IFT74: variants seen among roughly 807,000 people sequenced by gnomAD.
The protein encoded by IFT74 is intraflagellar transport protein 74 homolog.
In IFT74, 92 loss-of-function variants were observed where a neutral mutation model predicts 96.7. That is an observed-to-expected ratio of 0.95 (90% CI 0.80 to 1.13). The LOEUF (loss-of-function observed/expected upper bound fraction) is 1.13. Among genes scored for constraint, IFT74 ranks in the 50% most tolerant of loss-of-function variants. IFT74 has a pLI of 0.00. For missense variants in IFT74, 811 were observed against 698.2 expected (o/e 1.16, Z -1.82); for synonymous variants, 223 against 213.2 (o/e 1.05, Z -0.40).
At chr9:26,981,570 A>G (rs1304608249) in intron 4 of IFT74, among the ~76,000 whole-genome samples, 6 of 151,874 alleles carry the variant, frequency 4.0e-5, no homozygotes, top group Admixed American at 3.9e-4. Context: ...GTTTGCCACC[A>G]CACCCACCTA....
At chr9:26,993,624 T>C (rs544843452) in intron 8 of IFT74, 1 of 152,514 alleles carries the variant, frequency 6.6e-6, no homozygotes, top group Non-Finnish European at 1.5e-5. Context: ...GCCTCTTTTT[T>C]CTAAGGAATT....
At chr9:27,002,194 C>G (rs1828535915) in intron 8 of IFT74, among the ~76,000 whole-genome samples, 1 of 152,102 alleles carries the variant, frequency 6.6e-6, no homozygotes, top group African/African-American at 2.4e-5. Context: ...TGCAGTGATG[C>G]CATTTTGGCT....
intron 15 of IFT74, 57 bp from the exon 16 acceptor site, chr9:27,048,091 T>C (rs1171964295): frequency 7.8e-6 from 10 of 1,289,596 alleles, no homozygotes; most frequent in African/African-American, 6.0e-5. Context: ...AAGAGTTTTA[T>C]TGAGAACTAA....
intron 12 of IFT74, among the ~76,000 whole-genome samples, chr9:27,026,460 C>A (rs985048614): frequency 6.6e-6 from 1 of 151,996 alleles, no homozygotes; most frequent in African/African-American, 2.4e-5. Flanking sequence ...TAAATTATAC[C>A]CTAGAACAAA....
intron 8 of IFT74, 100 bp from the exon 9 acceptor site, chr9:27,008,920 C>A: frequency 1.1e-6 from 1 of 907,728 alleles, no homozygotes; most frequent in Non-Finnish European, 1.6e-6. Context: ...GGTTGAATGT[C>A]TTTAAGTATC....
At chr9:27,049,388 C>T (rs1011695535) in intron 16 of IFT74, among the ~76,000 whole-genome samples, 1 of 152,120 alleles carries the variant, frequency 6.6e-6, no homozygotes, top group Middle Eastern at 3.2e-3. Flanking sequence ...ATTCTTTCGG[C>T]GGCCTTGAGC....
chr9:26,994,238 T>A (rs1828024078), intron 8 of IFT74: 1 of 152,120 alleles, frequency 6.6e-6, no homozygotes, highest in Non-Finnish European at 1.5e-5. Flanking sequence ...TTTACATAAA[T>A]CCTATTGTAA....
chr9:26,970,404 T>C (rs1826832575), intron 2 of IFT74, among the ~76,000 whole-genome samples: 1 of 152,188 alleles, frequency 6.6e-6, no homozygotes, highest in South Asian at 2.1e-4. Context: ...AAAATCAAGA[T>C]AGTACTGTAT....
intron 4 of IFT74, chr9:26,982,400 G>C (rs1196373970): frequency 6.9e-6 from 3 of 431,722 alleles, no homozygotes. Flanking sequence ...CCTGTAATCT[G>C]CAAGTAGCTG....
chr9:27,030,045 G>A (rs1358030467), intron 13 of IFT74, among the ~76,000 whole-genome samples: 3 of 152,066 alleles, frequency 2.0e-5, no homozygotes, highest in Non-Finnish European at 4.4e-5. Context: ...GGGCTACATT[G>A]TTATTTATGG....
At chr9:27,008,611 C>T (rs1828899570) in intron 8 of IFT74, among the ~76,000 whole-genome samples, 1 of 152,238 alleles carries the variant, frequency 6.6e-6, no homozygotes, top group East Asian at 1.9e-4. Flanking sequence ...CCACCTGCCT[C>T]AGCCTTCCAA....
chr9:26,984,545 G>A lies in IFT74; in HGVS notation c.451G>A (p.Ala151Thr), dbSNP rs189975083. The A allele has an allele frequency of 1.1e-5, 18 of 1,611,148 alleles. No homozygotes were observed. The highest frequency in any genetic ancestry group is 3.3e-5 in the Admixed American group (2 of 59,976). ...VEIKELQGQLADYNMLVDKLN... is the reference protein window; with the variant it reads ...VEIKELQGQLTDYNMLVDKLN... ...GATAAAAGAGCTTCAAGGACAACTA[G>A]CAGACTACAACATGGTATTTTATCT... is the stretch of plus-strand genomic sequence containing the variant. Residue 151 changes from alanine (A) to threonine (T), a missense_variant, in exon 6 of 20, where the codon GCA becomes ACA. By Grantham distance (58) the Ala-to-Thr change is moderately conservative (BLOSUM62 0). Coordinates refer to ENST00000380062, the MANE Select transcript of IFT74 (RefSeq NM_025103.4).
chr9:27,014,528 A>G (rs918008010), intron 10 of IFT74, among the ~76,000 whole-genome samples: 1 of 152,184 alleles, frequency 6.6e-6, no homozygotes, highest in Admixed American at 6.5e-5. Context: ...AAATAACAAG[A>G]GTTTTAAAAA....
chr9:27,015,734 G>A (rs1179742120), intron 10 of IFT74, among the ~76,000 whole-genome samples: 1 of 152,122 alleles, frequency 6.6e-6, no homozygotes, highest in African/African-American at 2.4e-5. Context: ...TTATGTCTTT[G>A]TTAACTTTGA....
At chr9:26,953,949 T>C (rs1563929021), upstream of IFT74, among the ~76,000 whole-genome samples, 1 of 152,254 alleles carries the variant, frequency 6.6e-6, no homozygotes, top group Non-Finnish European at 1.5e-5. Flanking sequence ...ATCCTCTTCA[T>C]TGGGCCTTAT....
chr9:27,000,593 A>G (rs1587324919), intron 8 of IFT74, among the ~76,000 whole-genome samples: 1 of 152,336 alleles, frequency 6.6e-6, no homozygotes, highest in East Asian at 1.9e-4. Flanking sequence ...AAATTAATGT[A>G]CTTGGGATAT....
intron 1 of IFT74, among the ~76,000 whole-genome samples, chr9:26,960,039 A>T (rs1312776084): frequency 6.6e-6 from 1 of 152,170 alleles, no homozygotes; most frequent in Non-Finnish European, 1.5e-5. Flanking sequence ...TGAGAGAAGG[A>T]GGAGAGTTCT....
At chr9:26,948,448 ATTTTTT>A (rs71841244) in intron 1 of IFT74, among the ~76,000 whole-genome samples, 39 of 59,130 alleles carry the variant, frequency 6.6e-4, no homozygotes, top group African/African-American at 1.1e-3. Context: ...GCTTTCCATT[ATTTTTT>A]TTTTTTTTTT....
intron 1 of IFT74, among the ~76,000 whole-genome samples, chr9:26,957,908 C>A (rs1434996335): frequency 6.6e-6 from 1 of 151,882 alleles, no homozygotes; most frequent in Non-Finnish European, 1.5e-5. Context: ...CGCCACCACG[C>A]CCGGATAATT....
Sources: gnomAD v4.1 joint callset for allele counts (sites outside exome capture counted in the v4.1 genomes callset) on GRCh38, gnomAD v4.1.1 for gene constraint, MANE v1.5 for transcripts, NCBI Gene and HGNC (gene_info 2026-07-23, HGNC 2026-07-21) for gene names.